JUP: variants seen among roughly 807,000 people sequenced by gnomAD.
JUP encodes junction plakoglobin.
JUP carries 28 observed loss-of-function variants against 71.1 expected under a neutral mutation model. That is an observed-to-expected ratio of 0.39 (90% CI 0.29 to 0.54). JUP has a LOEUF of 0.54. JUP is among the 20% of genes least tolerant of loss of function. The pLI, the probability that JUP is intolerant of heterozygous loss-of-function variation, is 0.62. For missense variants in JUP, 869 were observed against 1,030.1 expected (o/e 0.84, Z 2.14); for synonymous variants, 401 against 438.9 (o/e 0.91, Z 1.08).
At chr17:41,761,667 C>T (rs7503778) in intron 8 of JUP, among the ~76,000 whole-genome samples, 96,609 of 150,782 alleles carry the variant, frequency 0.64, 31,636 homozygotes, top group Non-Finnish European at 0.73. Flanking sequence ...GCAGGAGAAT[C>T]GCTTGAACCC....
At chr17:41,778,393 C>T (rs190012630) in intron 1 of JUP, among the ~76,000 whole-genome samples, 180 of 152,112 alleles carry the variant, frequency 1.2e-3, no homozygotes, top group Non-Finnish European at 2.2e-3. Context: ...TGGCGAAACC[C>T]TGTCTCTACA....
intron 5 of JUP, among the ~76,000 whole-genome samples, chr17:41,765,482 G>C (rs1915573813): frequency 6.6e-6 from 1 of 152,116 alleles, no homozygotes; most frequent in African/African-American, 2.4e-5. Flanking sequence ...CTCCCAAGTA[G>C]CTGGGATTAC....
At position 41,764,762 on chromosome 17, in the gene JUP, T is replaced by G; in HGVS notation, c.1109A>C (p.Gln370Pro). 4 of 1,613,610 alleles carry G rather than the reference T, an allele frequency of 2.5e-6. No individual in the cohort carries two copies. The highest frequency in any genetic ancestry group is 2.5e-6 in the Non-Finnish European group (3 of 1,179,990). The change falls in exon 7 of 14, where the codon CAG (glutamine) becomes CCG (proline). Residue 370 changes from glutamine (Q) to proline (P), a missense_variant. Coordinates refer to ENST00000393931, the MANE Select transcript of JUP (RefSeq NM_002230.4). Reference protein sequence around the residue: ...HLTSNSPRLVQNCLWTLRNLS... With the variant: ...HLTSNSPRLVPNCLWTLRNLS... ...GTTGCGCAGGGTCCACAGGCAGTTC[T>G]GCACCAGGCGGGGGCTGTTGCTGGT...
chr17:41,769,589 C>G lies in JUP; in HGVS notation c.297G>C (p.Ser99=). The G allele has an allele frequency of 6.2e-7, 1 of 1,605,758 alleles. No homozygotes were observed. Among genetic ancestry groups the G allele is most frequent in the Non-Finnish European group, 8.5e-7 (1 of 1,177,030 alleles). ...CCTCCACCTGGGTGGCCAGCAGAAG[C>G]GAGCTGTCCTCGCCTGACACACCAG... ...MCPGVSGEDS[S]LLLATQVEGQ... The change falls in exon 3 of 14, where the codon TCG becomes TCC. Residue 99 remains serine (S), a synonymous_variant. Transcript: ENST00000393931.
In JUP at chr17:41,763,245, G is replaced by A. The variant is rs782551865; in HGVS notation, c.1235C>T (p.Thr412Met). 6.8e-6 allele frequency: 11 copies of A among 1,613,926 alleles called. No homozygotes were observed. In the Admixed American group the frequency reaches 8.3e-5, roughly 12 times the overall value. The change falls in exon 8 of 14, where the codon ACG (threonine) becomes ATG (methionine). Residue 412 changes from threonine to methionine, a missense_variant. Transcript: ENST00000393931. The stretch of plus-strand genomic sequence containing the variant: ...GCATGTCAGGTTGGAGAGTGTGCCC[G>A]TGGCACAGGTGAGGACGTTGACGTC... Reference protein sequence around the residue: ...VDDVNVLTCATGTLSNLTCNN... With the variant: ...VDDVNVLTCAMGTLSNLTCNN...
chr17:41,756,022 C>T, intron 13 of JUP, 127 bp from the exon 14 acceptor site: 1 of 1,367,328 alleles, frequency 7.3e-7, no homozygotes, highest in South Asian at 1.2e-5. Context: ...TCCCCAGACC[C>T]CACACCAGGG....
At chr17:41,777,218 G>A (rs1368743923) in intron 1 of JUP, among the ~76,000 whole-genome samples, 2 of 152,134 alleles carry the variant, frequency 1.3e-5, no homozygotes, top group African/African-American at 4.8e-5. Context: ...CACGCCAGGT[G>A]GAGACACTGG....
chr17:41,768,954 A>T lies in JUP; in HGVS notation c.707+15T>A. The T allele has an allele frequency of 6.3e-7, 1 of 1,587,088 alleles. No individual in the cohort carries two copies. ...GAGGGGGTCCTGGGCTCATGCAGTG[A>T]GCAGGGTTGGGTACCTGAGCATGCG... On this transcript the variant is annotated intron_variant, in intron 4 of 13. Transcript: ENST00000393931.
chr17:41,777,015 AG>A (rs1431116468), intron 1 of JUP, among the ~76,000 whole-genome samples: 1 of 152,208 alleles, frequency 6.6e-6, no homozygotes, highest in Non-Finnish European at 1.5e-5. Context: ...TCAAAAAAAA[AG>A]AAAAATAATA....
At chr17:41,772,346 C>T (rs41283427) in intron 1 of JUP, 9,346 of 264,432 alleles carry the variant, frequency 0.035, 235 homozygotes, top group Non-Finnish European at 0.046. Context: ...GGAAACTGGG[C>T]GGGGCAGGGA....
intron 1 of JUP, among the ~76,000 whole-genome samples, chr17:41,776,898 C>G (rs2046912480): frequency 1.3e-5 from 2 of 151,932 alleles, no homozygotes; most frequent in African/African-American, 4.8e-5. Flanking sequence ...CCCAGCTACT[C>G]GGGAGGCTGA....
Position 41,763,333 on chromosome 17 carries a change from G to C in JUP, c.1159-12C>G. 6.2e-7 allele frequency: 1 copy of C among 1,606,590 alleles called. No individual in the cohort carries two copies. On this transcript the variant is annotated splice_polypyrimidine_tract_variant and intron_variant, in intron 7 of 13. Transcript: ENST00000393931. ...CTCTCCAGGCCCTCCTGGAGGGCAA[G>C]GAAGGGACGGGGGAGTCAGGGAGCA...
At chr17:41,775,923 A>C (rs1226211641) in intron 1 of JUP, 1 of 978,918 alleles carries the variant, frequency 1.0e-6, no homozygotes, top group Non-Finnish European at 1.2e-6. Context: ...TAAATCCAAG[A>C]CTGACCTGGC....
At chr17:41,757,947 A>G (rs1567802122) in intron 10 of JUP, among the ~76,000 whole-genome samples, 163 bp from the exon 11 acceptor site, 1 of 152,138 alleles carries the variant, frequency 6.6e-6, no homozygotes, top group Non-Finnish European at 1.5e-5. Context: ...TGGGCTGAGC[A>G]TTGTTCATGA....
In JUP at chr17:41,765,083, G is replaced by A. The variant is rs1203127696; in HGVS notation, c.910-16C>T. On this transcript the variant is annotated splice_polypyrimidine_tract_variant and intron_variant, in intron 5 of 13. Coordinates refer to ENST00000393931, the MANE Select transcript of JUP (RefSeq NM_002230.4). ...GGATGATCAGCTATGGGTAAAGAGG[G>A]AATGAGTGTGAGATGGACGGGGAAT... 1.4e-5 allele frequency: 22 copies of A among 1,613,092 alleles called. No individual in the cohort carries two copies. Among genetic ancestry groups the A allele is most frequent in the African/African-American group, 2.7e-5 (2 of 74,914 alleles).
Position 41,764,939 on chromosome 17 carries a change from A to T in JUP, c.1038T>A (p.Pro346=). ...KVLSVCPSNK[P]AIVEAGGMQA... The stretch of plus-strand genomic sequence containing the variant: ...CATACTCACCAGCCTCCACAATGGC[A>T]GGCTTATTGCTGGGACACACGGATA... Residue 346 remains proline, a synonymous_variant, in exon 6 of 14, where the codon CCT becomes CCA. Coordinates refer to ENST00000393931, the MANE Select transcript of JUP (RefSeq NM_002230.4). 6.2e-7 allele frequency: 1 copy of T among 1,614,172 alleles called. No homozygotes were observed.
chr17:41,783,568 C>T (rs990381232), intron 1 of JUP, among the ~76,000 whole-genome samples: 11 of 151,980 alleles, frequency 7.2e-5, no homozygotes, highest in African/African-American at 2.7e-4. Flanking sequence ...GCTGGGATTG[C>T]AGGTCTGAGC....
chr17:41,763,834 C>T (rs1472433406), intron 7 of JUP, among the ~76,000 whole-genome samples: 2 of 152,164 alleles, frequency 1.3e-5, no homozygotes, highest in Admixed American at 1.3e-4. Flanking sequence ...AAAATCACTA[C>T]CTCAGACGTC....
chr17:41,763,754 G>A (rs954381183), intron 7 of JUP, among the ~76,000 whole-genome samples: 2 of 152,058 alleles, frequency 1.3e-5, no homozygotes, highest in African/African-American at 2.4e-5. Context: ...ATGTCTACTC[G>A]CTTGTCACCT....
Sources: gnomAD v4.1 joint callset for allele counts (sites outside exome capture counted in the v4.1 genomes callset) on GRCh38, gnomAD v4.1.1 for gene constraint, MANE v1.5 for transcripts, NCBI Gene and HGNC (gene_info 2026-07-23, HGNC 2026-07-21) for gene names.